Variants in TTC28 observed in about 807,000 individuals in gnomAD.
TTC28 encodes the protein tetratricopeptide repeat domain 28.
Under a neutral mutation model 198.0 loss-of-function variants are expected in TTC28, and 61 were observed. That is an observed-to-expected ratio of 0.31 (90% CI 0.25 to 0.38). The LOEUF is 0.38. Among genes scored for constraint, TTC28 ranks in the 10% least tolerant of loss-of-function variants. The pLI is 1.00. For synonymous variants in TTC28, 1,171 were observed against 1,297.8 expected, an observed-to-expected ratio of 0.90 and a Z score of 2.10; for missense variants, 2,678 against 3,164.0, an observed-to-expected ratio of 0.85 and a Z score of 3.69.
At chr22:28,485,807 T>C (rs2146332382) in intron 2 of TTC28, among the ~76,000 whole-genome samples, 1 of 152,238 alleles carries the variant, frequency 6.6e-6, no homozygotes, top group East Asian at 1.9e-4. Context: ...TCAAGCCATT[T>C]CCTGAAAAGA....
At chr22:28,334,442 G>A (rs2045672413) in intron 2 of TTC28, among the ~76,000 whole-genome samples, 1 of 152,154 alleles carries the variant, frequency 6.6e-6, no homozygotes, top group South Asian at 2.1e-4. Flanking sequence ...TTTCCACAAT[G>A]GTTGAACTAG....
intron 2 of TTC28, among the ~76,000 whole-genome samples, chr22:28,353,262 G>T (rs1264866666): frequency 1.3e-5 from 2 of 152,130 alleles, no homozygotes; most frequent in South Asian, 4.2e-4. Context: ...TGTATTTTTG[G>T]ACTACTCACA....
Position 28,163,403 on chromosome 22 carries a change from T to C in TTC28, c.1130A>G (p.His377Arg). ...CTTGGCTATCTTCAGATGCTGCTCA[T>C]GGCACTGCACAGCATTCTCAAAGTC... The part of the protein sequence containing the change: ...MGDFENAVQC[H>R]EQHLKIAKDL... The change falls in exon 6 of 23, where the codon CAT becomes CGT. Residue 377 changes from histidine (H) to arginine (R), a missense_variant. Physicochemically the swap from His to Arg is conservative, Grantham distance 29. Coordinates refer to ENST00000397906, the MANE Select transcript of TTC28 (RefSeq NM_001145418.2). The C allele has an allele frequency of 1.3e-6, 2 of 1,551,972 alleles. No homozygotes were observed. Among genetic ancestry groups the C allele is most frequent in the Non-Finnish European group, 1.7e-6 (2 of 1,147,030 alleles).
At chr22:28,556,253 G>A (rs1273366451) in intron 2 of TTC28, among the ~76,000 whole-genome samples, 1 of 152,056 alleles carries the variant, frequency 6.6e-6, no homozygotes, top group East Asian at 1.9e-4. Flanking sequence ...AGCTACTCAG[G>A]GGGGCTGAGG....
At chr22:28,065,625 A>G (rs1199948951) in intron 12 of TTC28, among the ~76,000 whole-genome samples, 3 of 152,232 alleles carry the variant, frequency 2.0e-5, no homozygotes, top group Admixed American at 6.5e-5. Flanking sequence ...TAACACAGCT[A>G]AAGTGTCACA....
At chr22:28,216,304 A>G (rs913766787) in intron 5 of TTC28, among the ~76,000 whole-genome samples, 2 of 152,238 alleles carry the variant, frequency 1.3e-5, no homozygotes, top group African/African-American at 4.8e-5. Flanking sequence ...GGAGTGGTCA[A>G]TTCAACTTGG....
At position 28,013,003 on chromosome 22, in the gene TTC28, CCT is replaced by C. The variant is rs376377260; in HGVS notation, c.4218+1243_4218+1244del. Among the ~76,000 whole-genome samples the C allele has an allele frequency of 4.0e-5, 6 of 148,608 alleles. No homozygotes were observed. In the East Asian group the frequency reaches 1.2e-3, roughly 29 times the overall value. ...AAAGGCTCTGTGCTTTCCACCACAC[CCT>C]GTCCCCAAGCCAGAGAACATCCAGA... On this transcript the variant is annotated intron_variant, in intron 14 of 22. Coordinates refer to ENST00000397906, the MANE Select transcript of TTC28 (RefSeq NM_001145418.2).
At chr22:28,561,470 T>C (rs1247405861) in intron 2 of TTC28, among the ~76,000 whole-genome samples, 1 of 152,218 alleles carries the variant, frequency 6.6e-6, no homozygotes, top group Non-Finnish European at 1.5e-5. Flanking sequence ...GTCTGTTTCC[T>C]GCATAGAAGG....
At chr22:28,027,261 G>T (rs763335765) in intron 13 of TTC28, among the ~76,000 whole-genome samples, 3 of 152,152 alleles carry the variant, frequency 2.0e-5, no homozygotes, top group Non-Finnish European at 4.4e-5. Flanking sequence ...TGCCCTCTGG[G>T]GCTCACACCA....
chr22:28,030,850 G>A (rs968108299), intron 12 of TTC28, among the ~76,000 whole-genome samples: 1 of 152,198 alleles, frequency 6.6e-6, no homozygotes, highest in African/African-American at 2.4e-5. Context: ...AGGCAAGGGG[G>A]ACATGCAGCC....
chr22:28,200,428 T>A (rs1308635593), intron 5 of TTC28, among the ~76,000 whole-genome samples: 1 of 152,158 alleles, frequency 6.6e-6, no homozygotes, highest in Non-Finnish European at 1.5e-5. Flanking sequence ...TTATTTTCTT[T>A]GAAAAAATCC....
At chr22:28,629,170 C>G (rs2051127005) in intron 2 of TTC28, among the ~76,000 whole-genome samples, 1 of 151,818 alleles carries the variant, frequency 6.6e-6, no homozygotes, top group Non-Finnish European at 1.5e-5. Context: ...CAGTCATTGA[C>G]AGAGAATGAA....
chr22:28,200,803 A>G (rs1288245299), intron 5 of TTC28, among the ~76,000 whole-genome samples: 2 of 152,208 alleles, frequency 1.3e-5, no homozygotes, highest in Admixed American at 1.3e-4. Context: ...GAGCAGGATT[A>G]TAAACCTCTG....
chr22:28,387,179 T>G (rs2146046066), intron 2 of TTC28, among the ~76,000 whole-genome samples: 1 of 152,350 alleles, frequency 6.6e-6, no homozygotes, highest in African/African-American at 2.4e-5. Context: ...GAACTCATCA[T>G]TTTTTATGGC....
At chr22:28,108,514 A>G in intron 6 of TTC28, 111 bp from the exon 7 acceptor site, 1 of 954,860 alleles carries the variant, frequency 1.0e-6, no homozygotes, top group Non-Finnish European at 1.4e-6. Context: ...AGATGAATTA[A>G]AGAATTTAAA....
chr22:27,987,778 G>C (rs943963130), intron 21 of TTC28, among the ~76,000 whole-genome samples: 10 of 152,186 alleles, frequency 6.6e-5, no homozygotes, highest in African/African-American at 2.2e-4. Flanking sequence ...CCCAAGGCTT[G>C]CCCTATGGCT....
At chr22:28,244,832 C>T (rs1929964085) in intron 5 of TTC28, among the ~76,000 whole-genome samples, 1 of 152,186 alleles carries the variant, frequency 6.6e-6, no homozygotes, top group African/African-American at 2.4e-5. Flanking sequence ...TCCAGCACAA[C>T]ATACCCTTCA....
chr22:28,634,637 G>A (rs557525247), intron 1 of TTC28, among the ~76,000 whole-genome samples: 113 of 149,010 alleles, frequency 7.6e-4, no homozygotes, highest in Middle Eastern at 3.7e-3. Context: ...CCTGGCTGGA[G>A]GGCAGCGGAG....
intron 2 of TTC28, among the ~76,000 whole-genome samples, chr22:28,540,537 G>A (rs2049390712): frequency 1.3e-5 from 2 of 152,104 alleles, no homozygotes; most frequent in South Asian, 4.1e-4. Context: ...CACTGTTAGA[G>A]TATACAATAT....
Sources: gnomAD v4.1 joint callset for allele counts (sites outside exome capture counted in the v4.1 genomes callset) on GRCh38, gnomAD v4.1.1 for gene constraint, MANE v1.5 for transcripts, NCBI Gene and HGNC (gene_info 2026-07-23, HGNC 2026-07-21) for gene names.